The following MACROD2 variants were observed in gnomAD, a reference collection of about 807,000 sequenced individuals.
The protein encoded by MACROD2 is mono-ADP ribosylhydrolase 2.
Under a neutral mutation model 70.4 loss-of-function variants are expected in MACROD2, and 36 were observed. The observed-to-expected ratio is 0.51, with a 90% CI of 0.39 to 0.68. The LOEUF is 0.68. Among genes scored for constraint, MACROD2 ranks in the 30% least tolerant of loss-of-function variants. MACROD2 has a pLI of 0.00. For missense variants in MACROD2, 496 were observed against 538.4 expected (o/e 0.92, Z 0.78); for synonymous variants, 172 against 178.8 (o/e 0.96, Z 0.30).
chr20:15,000,512 A>C (rs1053844520), intron 5 of MACROD2, among the ~76,000 whole-genome samples: 1 of 144,182 alleles, frequency 6.9e-6, no homozygotes, highest in Non-Finnish European at 1.5e-5. Context: ...AGTCCCAGCT[A>C]CTGGGGAGGC....
intron 2 of MACROD2, among the ~76,000 whole-genome samples, chr20:14,012,288 C>A (rs1362823928): frequency 1.3e-5 from 2 of 152,214 alleles, no homozygotes; most frequent in African/African-American, 4.8e-5. Context: ...GCTTTAGATC[C>A]TCATCTTCCT....
At chr20:14,258,774 G>A (rs991578432) in intron 3 of MACROD2, among the ~76,000 whole-genome samples, 3 of 152,006 alleles carry the variant, frequency 2.0e-5, no homozygotes, top group Non-Finnish European at 4.4e-5. Flanking sequence ...TCTTTGTCAT[G>A]AACTCTCCCT....
chr20:14,388,352 C>G (rs1047831524), intron 3 of MACROD2, among the ~76,000 whole-genome samples: 1 of 152,072 alleles, frequency 6.6e-6, no homozygotes, highest in South Asian at 2.1e-4. Flanking sequence ...TTTAAGTACA[C>G]TTGACTCTGA....
At chr20:14,924,048 A>C (rs430681) in intron 5 of MACROD2, among the ~76,000 whole-genome samples, 6,453 of 152,328 alleles carry the variant, frequency 0.042, 183 homozygotes, top group Non-Finnish European at 0.063. Flanking sequence ...AGCTGTTATA[A>C]AAGTGTTTTA....
intron 6 of MACROD2, among the ~76,000 whole-genome samples, chr20:15,257,327 A>G (rs538950664): frequency 1.9e-3 from 295 of 152,138 alleles, no homozygotes; most frequent in Middle Eastern, 3.4e-3. Context: ...AGGTGGGCAA[A>G]TGGGCTCCAC....
At chr20:15,526,707 G>A (rs772283094) in intron 8 of MACROD2, among the ~76,000 whole-genome samples, 2 of 152,216 alleles carry the variant, frequency 1.3e-5, no homozygotes, top group Non-Finnish European at 2.9e-5. Flanking sequence ...TTAGAAATGA[G>A]TAAAACCATA....
chr20:14,515,465 G>GTGCACACACACACA (rs1555798348), intron 4 of MACROD2, among the ~76,000 whole-genome samples: 7 of 127,066 alleles, frequency 5.5e-5, no homozygotes, highest in Admixed American at 1.5e-4. Context: ...ACACACACAC[G>GTGCACACACACACA]CACACACACA....
intron 5 of MACROD2, among the ~76,000 whole-genome samples, chr20:14,847,525 C>G (rs1227949387): frequency 7.6e-6 from 1 of 131,982 alleles, no homozygotes. Flanking sequence ...CAGAGCAGTA[C>G]AATGCAACAC....
At chr20:14,186,526 T>C (rs2081345565) in intron 3 of MACROD2, among the ~76,000 whole-genome samples, 1 of 152,180 alleles carries the variant, frequency 6.6e-6, no homozygotes, top group Non-Finnish European at 1.5e-5. Context: ...GTTCAGCCAT[T>C]GTGGAGAGCG....
At chr20:15,687,342 C>T (rs1568975068) in intron 8 of MACROD2, among the ~76,000 whole-genome samples, 1 of 151,522 alleles carries the variant, frequency 6.6e-6, no homozygotes, top group Non-Finnish European at 1.5e-5. Flanking sequence ...ACATAATAAG[C>T]ACGTGATAAA....
chr20:15,992,780 C>A (rs914495445), intron 15 of MACROD2, among the ~76,000 whole-genome samples: 1 of 152,174 alleles, frequency 6.6e-6, no homozygotes, highest in African/African-American at 2.4e-5. Flanking sequence ...GCTTATCAAA[C>A]CACGTGGTTT....
intron 13 of MACROD2, among the ~76,000 whole-genome samples, chr20:15,984,051 A>G (rs2066440164): frequency 6.6e-6 from 1 of 152,132 alleles, no homozygotes; most frequent in South Asian, 2.1e-4. Context: ...CTTAATTTTA[A>G]TAAAACCTTG....
intron 3 of MACROD2, among the ~76,000 whole-genome samples, chr20:14,315,827 T>C (rs1821520626): frequency 2.0e-5 from 3 of 152,216 alleles, no homozygotes. Flanking sequence ...TGGTGAAATA[T>C]CTTCTAGCTT....
At chr20:15,037,062 C>T (rs551034638) in intron 5 of MACROD2, among the ~76,000 whole-genome samples, 24 of 152,066 alleles carry the variant, frequency 1.6e-4, no homozygotes, top group Admixed American at 3.9e-4. Context: ...ATTAAAGTCT[C>T]CTGCTTAGCT....
At chr20:14,404,188 T>C (rs1436054960) in intron 3 of MACROD2, among the ~76,000 whole-genome samples, 1 of 152,282 alleles carries the variant, frequency 6.6e-6, no homozygotes, top group Non-Finnish European at 1.5e-5. Context: ...GTACATTAAA[T>C]ATAGATTTAG....
At position 14,378,478 on chromosome 20, in the gene MACROD2, C is replaced by T. The variant is rs114743954; in HGVS notation, c.272-115001C>T. ...TCAGTTCAGGATAACTGAGGGGCCA[C>T]CCCAGCTCAGAGGCCTCTGCTGCAA... On this transcript the variant is annotated intron_variant, in intron 3 of 17. Coordinates refer to ENST00000684519, the MANE Select transcript of MACROD2 (RefSeq NM_001351661.2). 8.1e-3 allele frequency among the ~76,000 whole-genome samples: 1,240 copies of T among 152,262 alleles called. 15 individuals carry two copies. Among genetic ancestry groups the T allele is most frequent in the African/African-American group, 0.028 (1,179 of 41,542 alleles).
intron 3 of MACROD2, among the ~76,000 whole-genome samples, chr20:14,493,042 G>A (rs921705845): frequency 1.3e-5 from 2 of 151,992 alleles, no homozygotes; most frequent in Non-Finnish European, 2.9e-5. Context: ...AAAATGTTTT[G>A]TGATAGCTTT....
chr20:14,473,284 A>G (rs1056211439), intron 3 of MACROD2, among the ~76,000 whole-genome samples: 2 of 152,018 alleles, frequency 1.3e-5, no homozygotes, highest in African/African-American at 4.8e-5. Context: ...CTGGCTGACC[A>G]CCCTCTCCAC....
intron 4 of MACROD2, among the ~76,000 whole-genome samples, chr20:14,508,283 C>CT (rs1399525162): frequency 1.3e-5 from 2 of 152,154 alleles, no homozygotes; most frequent in Non-Finnish European, 2.9e-5. Flanking sequence ...TTTCTTTTCT[C>CT]TTTTTTTCTC....
Sources: allele counts gnomAD v4.1 joint callset (sites outside exome capture counted in the v4.1 genomes callset), GRCh38; gene constraint gnomAD v4.1.1; transcripts MANE v1.5; gene names NCBI Gene and HGNC (gene_info 2026-07-23, HGNC 2026-07-21).